Variants in KHDRBS2 observed in about 807,000 individuals in gnomAD.
KHDRBS2 encodes the protein KH domain-containing, RNA-binding, signal transduction-associated protein 2.
Under a neutral mutation model 44.3 loss-of-function variants are expected in KHDRBS2, and 26 were observed. The observed-to-expected ratio is 0.59, with a 90% CI of 0.43 to 0.81. The LOEUF is 0.81. Ranked by LOEUF, KHDRBS2 falls within the 40% of genes least tolerant of loss-of-function variation. The pLI is 0.00. For synonymous variants in KHDRBS2, 194 were observed against 151.1 expected (o/e 1.28, Z -2.08); for missense variants, 476 against 433.1 (o/e 1.10, Z -0.88).
At chr6:62,254,898 T>A (rs958013949) in intron 1 of KHDRBS2, among the ~76,000 whole-genome samples, 5 of 152,090 alleles carry the variant, frequency 3.3e-5, no homozygotes, top group African/African-American at 9.7e-5. Flanking sequence ...ATTGTTCAAC[T>A]AAATTGATAA....
chr6:61,548,384 C>G, the KHDRBS2 span, among the ~76,000 whole-genome samples: 74 of 152,166 alleles, frequency 4.9e-4, no homozygotes, highest in Non-Finnish European at 8.5e-4. Context: ...AACATGGTTT[C>G]CATAAGAATC....
At chr6:62,096,097 C>T (rs1198949583) in intron 2 of KHDRBS2, among the ~76,000 whole-genome samples, 3 of 151,776 alleles carry the variant, frequency 2.0e-5, no homozygotes, top group Admixed American at 1.3e-4. Context: ...ATCTTTTTGA[C>T]GTGCTTTTGG....
chr6:61,833,372 C>T (rs1792139675), intron 6 of KHDRBS2, among the ~76,000 whole-genome samples: 1 of 152,182 alleles, frequency 6.6e-6, no homozygotes, highest in South Asian at 2.1e-4. Context: ...CAGACAATTG[C>T]TAACATCTCC....
chr6:61,663,697 T>A, the KHDRBS2 span, among the ~76,000 whole-genome samples: 1 of 150,494 alleles, frequency 6.6e-6, no homozygotes, highest in Non-Finnish European at 1.5e-5. Flanking sequence ...TGGAGCTTAA[T>A]GTCCTCTATT....
intron 6 of KHDRBS2, among the ~76,000 whole-genome samples, chr6:61,838,872 C>T (rs1342850363): frequency 6.6e-6 from 1 of 151,776 alleles, no homozygotes; most frequent in Non-Finnish European, 1.5e-5. Context: ...GCTTGTTTTG[C>T]AAGTTTAAAG....
intron 4 of KHDRBS2, among the ~76,000 whole-genome samples, chr6:61,975,209 C>G (rs923234262): frequency 1.3e-5 from 2 of 152,030 alleles, no homozygotes; most frequent in Non-Finnish European, 2.9e-5. Context: ...GGATAACATA[C>G]AAGAGGTAGA....
At chr6:61,875,079 T>C (rs1799222223) in intron 6 of KHDRBS2, among the ~76,000 whole-genome samples, 1 of 151,802 alleles carries the variant, frequency 6.6e-6, no homozygotes, top group Non-Finnish European at 1.5e-5. Flanking sequence ...CTTTTTAAGG[T>C]GTTAGCTAAG....
intron 4 of KHDRBS2, among the ~76,000 whole-genome samples, chr6:61,913,892 T>C (rs924130091): frequency 3.9e-5 from 6 of 152,084 alleles, no homozygotes; most frequent in African/African-American, 1.4e-4. Context: ...CCAGTGCATA[T>C]GTATCAAAGA....
chr6:61,937,800 C>A (rs1254027852), intron 4 of KHDRBS2, among the ~76,000 whole-genome samples: 2 of 152,042 alleles, frequency 1.3e-5, no homozygotes, highest in Non-Finnish European at 2.9e-5. Context: ...TAAACTCTAT[C>A]CTTTAAGGCT....
At chr6:61,921,353 G>T (rs1808027455) in intron 4 of KHDRBS2, among the ~76,000 whole-genome samples, 1 of 151,784 alleles carries the variant, frequency 6.6e-6, no homozygotes, top group Non-Finnish European at 1.5e-5. Context: ...ATGAACAGGA[G>T]ATTATATTAA....
chr6:61,621,097 A>G, the KHDRBS2 span, among the ~76,000 whole-genome samples: 1 of 152,162 alleles, frequency 6.6e-6, no homozygotes, highest in African/African-American at 2.4e-5. Context: ...GGGGCTGGGG[A>G]CTACATTGCT....
intron 3 of KHDRBS2, among the ~76,000 whole-genome samples, chr6:62,037,072 C>T (rs990236729): frequency 6.6e-6 from 1 of 151,834 alleles, no homozygotes; most frequent in Non-Finnish European, 1.5e-5. Context: ...TCTTGCCTTA[C>T]TCATATTATA....
intron 6 of KHDRBS2, among the ~76,000 whole-genome samples, chr6:61,859,557 G>A (rs566782595): frequency 5.3e-5 from 8 of 151,840 alleles, no homozygotes; most frequent in African/African-American, 1.7e-4. Context: ...TAAAACAGTT[G>A]CTTACAGCCT....
At chr6:61,668,032 T>C in the KHDRBS2 span, among the ~76,000 whole-genome samples, 1 of 151,090 alleles carries the variant, frequency 6.6e-6, no homozygotes, top group Non-Finnish European at 1.5e-5. Flanking sequence ...TATTTCCTAT[T>C]AATCTAAATA....
rs576592251 is a variant in KHDRBS2 at position 61,974,910 on chromosome 6, G to A, written c.483+3156C>T. On this transcript the variant is annotated intron_variant, in intron 4 of 8. Transcript: ENST00000281156. The stretch of plus-strand genomic sequence containing the variant: ...CGTTCCATTGCATTCCAGCCTGGGC[G>A]ACATAGCAAGACTCCATCTTAAAAA... Among the ~76,000 whole-genome samples the A allele has an allele frequency of 3.3e-5, 5 of 150,472 alleles. No homozygotes were observed. The South Asian group carries it at 8.4e-4, about 25-fold the overall frequency.
intron 2 of KHDRBS2, among the ~76,000 whole-genome samples, chr6:62,058,479 A>C (rs999888459): frequency 6.6e-6 from 1 of 151,868 alleles, no homozygotes; most frequent in Non-Finnish European, 1.5e-5. Context: ...CTCAACATTA[A>C]ATCATACTTT....
the KHDRBS2 span, among the ~76,000 whole-genome samples, chr6:61,592,255 G>A: frequency 1.0e-4 from 15 of 150,680 alleles, no homozygotes; most frequent in South Asian, 6.3e-4. Flanking sequence ...AAGTGCACAC[G>A]TGTGCATGGA....
chr6:62,133,133 G>T (rs1322858020), intron 2 of KHDRBS2, among the ~76,000 whole-genome samples: 1 of 152,084 alleles, frequency 6.6e-6, no homozygotes, highest in Non-Finnish European at 1.5e-5. Flanking sequence ...TGTTAGTGAG[G>T]GTGTGGAGAA....
At chr6:62,245,287 C>A (rs370563415) in intron 1 of KHDRBS2, among the ~76,000 whole-genome samples, 1 of 151,984 alleles carries the variant, frequency 6.6e-6, no homozygotes, top group Non-Finnish European at 1.5e-5. Flanking sequence ...ATCTCTGTTG[C>A]CCAGAGACAT....
Sources: gnomAD v4.1 joint callset for allele counts (sites outside exome capture counted in the v4.1 genomes callset) on GRCh38, gnomAD v4.1.1 for gene constraint, MANE v1.5 for transcripts, NCBI Gene and HGNC (gene_info 2026-07-23, HGNC 2026-07-21) for gene names.